The following TTC1 variants were observed in gnomAD, a reference collection of about 807,000 sequenced individuals.
TTC1 encodes the protein tetratricopeptide repeat protein 1.
Under a neutral mutation model 37.6 loss-of-function variants are expected in TTC1, and 31 were observed. The observed-to-expected ratio is 0.82, with a 90% CI of 0.62 to 1.11. The LOEUF (loss-of-function observed/expected upper bound fraction) is 1.11, where lower values mean the gene tolerates loss of function less well. Ranked by LOEUF, TTC1 falls within the 50% of genes most tolerant of loss-of-function variation. The probability of loss-of-function intolerance (pLI) is 0.00; values close to 1 mark genes in which losing one functional copy is unlikely to be tolerated. For synonymous variants in TTC1, 127 were observed against 122.4 expected (o/e 1.04, Z -0.25); for missense variants, 351 against 339.0 (o/e 1.04, Z -0.28).
chr5:160,048,509 A>G (rs1450293642), intron 5 of TTC1, among the ~76,000 whole-genome samples: 1 of 152,212 alleles, frequency 6.6e-6, no homozygotes, highest in Non-Finnish European at 1.5e-5. Context: ...GAAGAAATGC[A>G]GTATGTTGAA....
intron 2 of TTC1, among the ~76,000 whole-genome samples, chr5:160,018,798 A>C (rs1323130139): frequency 6.6e-6 from 1 of 152,232 alleles, no homozygotes; most frequent in African/African-American, 2.4e-5. Flanking sequence ...ATTTGAGCCC[A>C]ATTAGGCTCT....
intron 2 of TTC1, among the ~76,000 whole-genome samples, chr5:160,022,458 C>T (rs1351101512): frequency 6.6e-6 from 1 of 152,132 alleles, no homozygotes; most frequent in Non-Finnish European, 1.5e-5. Flanking sequence ...ATTCAAGCTA[C>T]TTCTAATATT....
intron 2 of TTC1, among the ~76,000 whole-genome samples, chr5:160,032,574 G>T (rs1756929188): frequency 6.6e-6 from 1 of 152,078 alleles, no homozygotes; most frequent in Non-Finnish European, 1.5e-5. Flanking sequence ...AATCTAGATT[G>T]AGTGAAGCAA....
At chr5:160,051,232 G>A (rs1382616066) in intron 7 of TTC1, 49 bp downstream of exon 7, 1 of 1,494,778 alleles carries the variant, frequency 6.7e-7, no homozygotes, top group African/African-American at 1.4e-5. Flanking sequence ...AGGAACCTAG[G>A]GTGGGGACAT....
intron 5 of TTC1, among the ~76,000 whole-genome samples, chr5:160,044,488 C>A (rs1247643568): frequency 1.3e-5 from 2 of 152,206 alleles, no homozygotes. Flanking sequence ...GCAGAGATTT[C>A]CCAGAACTGA....
At chr5:160,062,640 G>A (rs141782256) in intron 7 of TTC1, among the ~76,000 whole-genome samples, 61 of 152,200 alleles carry the variant, frequency 4.0e-4, no homozygotes, top group African/African-American at 1.0e-3. Context: ...CCATGTAATG[G>A]CCCTGGGCTC....
intron 4 of TTC1, among the ~76,000 whole-genome samples, chr5:160,037,248 C>A (rs996520078): frequency 6.6e-5 from 10 of 152,154 alleles, no homozygotes; most frequent in African/African-American, 2.4e-4. Context: ...AAAGTATGGA[C>A]ACTTGGAGAA....
chr5:160,010,257 CA>C lies in TTC1; in HGVS notation c.-29-221del, dbSNP rs397882520. ...TGGGCGACAGACTGAGATTAAGTCTCAAAAAAAAAAAAAAAAAAAAAAGAAT... is the reference window on the plus strand; with the variant it reads ...TGGGCGACAGACTGAGATTAAGTCTCAAAAAAAAAAAAAAAAAAAAAGAAT... On this transcript the variant is annotated intron_variant, in intron 1 of 7. Transcript: ENST00000231238. Among the ~76,000 whole-genome samples the C allele has an allele frequency of 3.3e-3, 164 of 50,342 alleles. 1 individual carries two copies. Among genetic ancestry groups the C allele is most frequent in the East Asian group, 0.012 (21 of 1,824 alleles). 33.0% of individuals were successfully genotyped at this position (50,342 alleles called of 152,430 possible).
chr5:160,022,355 C>T (rs1756726414), intron 2 of TTC1, among the ~76,000 whole-genome samples: 2 of 152,068 alleles, frequency 1.3e-5, no homozygotes, highest in African/African-American at 4.8e-5. Context: ...TGCCATGCTA[C>T]CCAGGATTTT....
chr5:160,049,729 A>G, intron 6 of TTC1, 67 bp downstream of exon 6: 5 of 1,279,498 alleles, frequency 3.9e-6, no homozygotes, highest in Non-Finnish European at 5.2e-6. Flanking sequence ...TGAGTCCTAA[A>G]TAATCCTTTC....
chr5:160,048,938 G>A (rs1250113316), intron 5 of TTC1, among the ~76,000 whole-genome samples: 1 of 119,096 alleles, frequency 8.4e-6, no homozygotes, highest in Non-Finnish European at 1.8e-5. Context: ...GTGACAGAGC[G>A]AGACTCCGTC....
intron 2 of TTC1, among the ~76,000 whole-genome samples, chr5:160,028,261 T>C (rs1224107284): frequency 1.4e-5 from 2 of 144,156 alleles, no homozygotes; most frequent in Non-Finnish European, 3.0e-5. Flanking sequence ...ATCACACCAC[T>C]GCACTCCAGC....
chr5:160,055,194 C>T lies in TTC1; in HGVS notation c.745+4011C>T, dbSNP rs376764049. Among the ~76,000 whole-genome samples the T allele has an allele frequency of 2.0e-5, 3 of 152,036 alleles. No individual in the cohort carries two copies. In the East Asian group the frequency reaches 5.8e-4, roughly 29 times the overall value. The stretch of plus-strand genomic sequence containing the variant: ...TCATCATTTGCAAGTTATTTTATCC[C>T]GTATGCTGGCCCAGCCAAGAAGTCT... On this transcript the variant is annotated intron_variant, in intron 7 of 7. Transcript: ENST00000231238.
intron 6 of TTC1, among the ~76,000 whole-genome samples, chr5:160,050,630 T>TC (rs1757377345): frequency 6.9e-6 from 1 of 145,884 alleles, no homozygotes. Flanking sequence ...AACAAAACTT[T>TC]TTTTTTTTTT....
intron 5 of TTC1, among the ~76,000 whole-genome samples, chr5:160,045,493 C>T (rs1446536490): frequency 3.0e-4 from 35 of 117,102 alleles, no homozygotes; most frequent in East Asian, 5.5e-4. Flanking sequence ...CACACACACA[C>T]ACACACACAC....
chr5:160,038,721 G>A (rs2113372327), intron 4 of TTC1, among the ~76,000 whole-genome samples: 1 of 145,338 alleles, frequency 6.9e-6, no homozygotes, highest in East Asian at 2.1e-4. Context: ...GGAGTGCAGT[G>A]GTGTGATCTC....
chr5:160,038,497 C>T (rs1006796039), intron 4 of TTC1, among the ~76,000 whole-genome samples: 2 of 152,096 alleles, frequency 1.3e-5, no homozygotes, highest in Non-Finnish European at 2.9e-5. Flanking sequence ...TAGGTTTGGG[C>T]TCACATAAAT....
At chr5:160,032,702 CTTTTTTTTTTT>C (rs70987990) in intron 2 of TTC1, among the ~76,000 whole-genome samples, 39 of 74,710 alleles carry the variant, frequency 5.2e-4, no homozygotes, top group Middle Eastern at 0.016. Context: ...TACCTGCTTT[CTTTTTTTTTTT>C]TTTTTTTTTT....
Position 160,045,505 on chromosome 5 carries a change from CACACACACAT to C in TTC1, c.541+2343_541+2352del, listed in dbSNP as rs1436914101. On this transcript the variant is annotated intron_variant, in intron 5 of 7. Coordinates refer to ENST00000231238, the MANE Select transcript of TTC1 (RefSeq NM_003314.3). Reference sequence around the variant, plus strand: ...ACACACACACACACACACACACACACACACACACATACACACTCTCTCTCTCTCTCTCTCT... The same window carrying C: ...ACACACACACACACACACACACACACACACACTCTCTCTCTCTCTCTCTCT... Among the ~76,000 whole-genome samples, 293 of 97,234 alleles carry C rather than the reference CACACACACAT, an allele frequency of 3.0e-3. 2 individuals are homozygous for C. Among genetic ancestry groups the C allele is most frequent in the Non-Finnish European group, 3.1e-3 (147 of 47,290 alleles). The allele number at this position is 97,234 out of a possible 152,430, so 63.8% of individuals were successfully genotyped here.
Sources: allele counts gnomAD v4.1 joint callset (sites outside exome capture counted in the v4.1 genomes callset), GRCh38; gene constraint gnomAD v4.1.1; transcripts MANE v1.5; gene names NCBI Gene and HGNC (gene_info 2026-07-23, HGNC 2026-07-21).